The following LIN28B variants were observed in gnomAD, a reference collection of about 807,000 sequenced individuals.
LIN28B encodes the protein lin-28 RNA binding posttranscriptional regulator B, also known as protein lin-28 homolog B.
In LIN28B, 5 loss-of-function variants were observed where a neutral mutation model predicts 21.9. The observed-to-expected ratio is 0.23, with a 90% CI of 0.12 to 0.48. The LOEUF (loss-of-function observed/expected upper bound fraction) is 0.48. Ranked by LOEUF, LIN28B falls within the 20% of genes least tolerant of loss-of-function variation. LIN28B has a pLI of 0.98. For synonymous variants in LIN28B, 109 were observed against 111.3 expected, an observed-to-expected ratio of 0.98 and a Z score of 0.13; for missense variants, 245 against 310.5, an observed-to-expected ratio of 0.79 and a Z score of 1.58.
intron 3 of LIN28B, among the ~76,000 whole-genome samples, chr6:105,042,327 A>G (rs1036198740): frequency 2.6e-5 from 4 of 152,326 alleles, no homozygotes; most frequent in Admixed American, 6.5e-5. Flanking sequence ...AGCTTGTACT[A>G]TAATCTAAGT....
chr6:104,939,709 TTTTAA>T (rs1251404068), intron 2 of LIN28B, among the ~76,000 whole-genome samples: 2 of 152,226 alleles, frequency 1.3e-5, no homozygotes, highest in Non-Finnish European at 2.9e-5. Context: ...AGTTTTCCAC[TTTTAA>T]TTTGATTTCC....
chr6:105,024,695 A>T (rs1345080682), intron 2 of LIN28B, among the ~76,000 whole-genome samples: 1 of 152,216 alleles, frequency 6.6e-6, no homozygotes, highest in African/African-American at 2.4e-5. Context: ...GCAGGTTAAT[A>T]ACCCTGTTTT....
chr6:105,050,276 G>C (rs1582919266), intron 3 of LIN28B, among the ~76,000 whole-genome samples: 1 of 152,126 alleles, frequency 6.6e-6, no homozygotes, highest in Admixed American at 6.6e-5. Context: ...AGTTTGGCTG[G>C]ATATGAAATT....
intron 2 of LIN28B, among the ~76,000 whole-genome samples, chr6:105,013,146 G>C (rs755986706): frequency 1.5e-4 from 23 of 152,026 alleles, no homozygotes; most frequent in Non-Finnish European, 2.8e-4. Flanking sequence ...CGAGTAGCTG[G>C]GATTACAGGC....
At chr6:105,072,315 G>T (rs2114418161) in intron 3 of LIN28B, among the ~76,000 whole-genome samples, 1 of 152,226 alleles carries the variant, frequency 6.6e-6, no homozygotes, top group East Asian at 1.9e-4. Context: ...GGCTTTGGGG[G>T]TGGATTAAAT....
chr6:104,997,150 A>G (rs2114282308), intron 2 of LIN28B, among the ~76,000 whole-genome samples: 1 of 152,112 alleles, frequency 6.6e-6, no homozygotes, highest in South Asian at 2.1e-4. Flanking sequence ...GCATGGTGGC[A>G]CACACCTGTA....
intron 2 of LIN28B, among the ~76,000 whole-genome samples, chr6:105,006,039 C>T (rs933732886): frequency 9.2e-5 from 14 of 152,130 alleles, no homozygotes; most frequent in African/African-American, 3.1e-4. Flanking sequence ...TGTCTGTTTC[C>T]TTTATGTTCC....
chr6:105,031,541 T>C (rs1464401115), intron 3 of LIN28B, among the ~76,000 whole-genome samples: 1 of 146,212 alleles, frequency 6.8e-6, no homozygotes, highest in Non-Finnish European at 1.5e-5. Flanking sequence ...CTTTTTTTTC[T>C]TTTTTTTTTT....
intron 3 of LIN28B, among the ~76,000 whole-genome samples, chr6:105,043,640 T>C (rs1771688320): frequency 6.6e-6 from 1 of 151,762 alleles, no homozygotes; most frequent in Admixed American, 6.6e-5. Flanking sequence ...TGGAGTGCAG[T>C]GGCAGGATCT....
chr6:105,053,386 T>TGTGTGG (rs1260587649), intron 3 of LIN28B, among the ~76,000 whole-genome samples: 4 of 128,584 alleles, frequency 3.1e-5, no homozygotes, highest in African/African-American at 1.1e-4. Flanking sequence ...TCTTATGGTG[T>TGTGTGG]GTGTGTGTGT....
At chr6:105,067,807 T>C (rs547783892) in intron 3 of LIN28B, among the ~76,000 whole-genome samples, 4 of 152,324 alleles carry the variant, frequency 2.6e-5, no homozygotes, top group East Asian at 3.9e-4. Context: ...TGGAATGATA[T>C]ATAAAAATGT....
intron 2 of LIN28B, among the ~76,000 whole-genome samples, chr6:105,018,475 C>G (rs762972646): frequency 4.6e-5 from 7 of 152,072 alleles, no homozygotes; most frequent in Non-Finnish European, 8.8e-5. Flanking sequence ...TCTTCAATCT[C>G]CATTAGAATC....
At chr6:104,961,493 C>G (rs756649901) in intron 2 of LIN28B, among the ~76,000 whole-genome samples, 2 of 150,504 alleles carry the variant, frequency 1.3e-5, no homozygotes, top group Admixed American at 1.3e-4. Flanking sequence ...CTCCACCTCA[C>G]GAGTTCAAGC....
chr6:105,049,108 G>A (rs953354522), intron 3 of LIN28B, among the ~76,000 whole-genome samples: 2 of 152,138 alleles, frequency 1.3e-5, no homozygotes, highest in South Asian at 4.1e-4. Flanking sequence ...TGATGTTAGA[G>A]TGTCAATTTT....
intron 3 of LIN28B, among the ~76,000 whole-genome samples, chr6:105,051,973 TAATAG>T (rs1771916329): frequency 6.6e-6 from 1 of 152,116 alleles, no homozygotes; most frequent in Non-Finnish European, 1.5e-5. Flanking sequence ...GGGGACAGAG[TAATAG>T]TTGGACTGTT....
intron 2 of LIN28B, among the ~76,000 whole-genome samples, chr6:104,949,524 A>G (rs1274539532): frequency 6.6e-6 from 1 of 152,190 alleles, no homozygotes; most frequent in Non-Finnish European, 1.5e-5. Context: ...TTGAGAAGAA[A>G]ATTAGATTGC....
At chr6:105,071,623 A>G (rs1360913337) in intron 3 of LIN28B, among the ~76,000 whole-genome samples, 1 of 152,156 alleles carries the variant, frequency 6.6e-6, no homozygotes, top group African/African-American at 2.4e-5. Context: ...ATGTGTATTA[A>G]TATTTTCCAA....
chr6:104,982,255 G>T (rs62419610), intron 2 of LIN28B, among the ~76,000 whole-genome samples: 1 of 151,702 alleles, frequency 6.6e-6, no homozygotes, highest in Non-Finnish European at 1.5e-5. Flanking sequence ...CAGAGGTTGC[G>T]GTGATCTGAG....
At position 104,942,569 on chromosome 6, in the gene LIN28B, CAT is replaced by C. The variant is rs1191522044; in HGVS notation, c.18+5456_18+5457del. The stretch of plus-strand genomic sequence containing the variant: ...ATTTGCATAGATTTTATAGAGGAGT[CAT>C]ATGATAAATTAACAGAAGAGAATGT... On this transcript the variant is annotated intron_variant, in intron 2 of 5. Coordinates refer to the LIN28B transcript ENST00000635857. Among the ~76,000 whole-genome samples, 5 of 151,976 alleles carry C rather than the reference CAT, an allele frequency of 3.3e-5. No individual in the cohort carries two copies. In the East Asian group the frequency reaches 5.8e-4, roughly 18 times the overall value.
Sources: allele counts gnomAD v4.1 joint callset (sites outside exome capture counted in the v4.1 genomes callset), GRCh38; gene constraint gnomAD v4.1.1; transcripts MANE v1.5; gene names NCBI Gene and HGNC (gene_info 2026-07-23, HGNC 2026-07-21).